The following PI4KA variants were observed in gnomAD, a reference collection of about 807,000 sequenced individuals.
PI4KA encodes PI4-kinase alpha.
A neutral mutation model predicts 271.4 loss-of-function variants in PI4KA; 122 were observed. That is an observed-to-expected ratio of 0.45 (90% CI 0.39 to 0.52). The LOEUF is 0.52. Among genes scored for constraint, PI4KA ranks in the 20% least tolerant of loss-of-function variants. The pLI, the probability that PI4KA is intolerant of heterozygous loss-of-function variation, is 0.00. For synonymous variants in PI4KA, 1,041 were observed against 1,078.8 expected (o/e 0.96, Z 0.69); for missense variants, 1,969 against 2,769.1 (o/e 0.71, Z 6.48).
At chr22:20,815,379 CAA>C (rs361826) in intron 7 of PI4KA, among the ~76,000 whole-genome samples, 49 of 83,926 alleles carry the variant, frequency 5.8e-4, no homozygotes, top group Admixed American at 6.7e-4. Context: ...GACTGCGTCT[CAA>C]AAAAAAAAAA....
At chr22:20,721,687 A>ATT (rs1339961321) in intron 42 of PI4KA, 3 of 398,852 alleles carry the variant, frequency 7.5e-6, no homozygotes, top group Non-Finnish European at 1.4e-5. Flanking sequence ...CCATGGGTTT[A>ATT]AGAAGCACAA....
chr22:20,812,835 T>C (rs531524997), intron 8 of PI4KA, among the ~76,000 whole-genome samples: 1 of 152,238 alleles, frequency 6.6e-6, no homozygotes, highest in African/African-American at 2.4e-5. Context: ...ATTACTGGCA[T>C]GAGCCACGGC....
intron 18 of PI4KA, 33 bp from the exon 19 acceptor site, chr22:20,793,276 G>GT: frequency 7.7e-7 from 1 of 1,297,328 alleles, no homozygotes; most frequent in Non-Finnish European, 1.1e-6. Context: ...TCATTAACGA[G>GT]TATGTGTTTC....
intron 19 of PI4KA, among the ~76,000 whole-genome samples, chr22:20,770,876 T>C (rs1012905409): frequency 6.6e-6 from 1 of 152,100 alleles, no homozygotes; most frequent in African/African-American, 2.4e-5. Flanking sequence ...ATTTTTAGAA[T>C]TTCATGTTAA....
rs1373020969 is a variant in PI4KA, at chr22:20,819,668, T to A, written c.762A>T (p.Lys254Asn). The A allele has an allele frequency of 6.2e-7, 1 of 1,613,980 alleles. No homozygotes were observed. The highest frequency in any genetic ancestry group is 1.7e-5 in the Admixed American group (1 of 60,000). Residue 254 changes from lysine to asparagine, a missense_variant, in exon 6 of 55, where the codon AAA (lysine) becomes AAT (asparagine). Physicochemically the swap from Lys to Asn is moderately conservative, Grantham distance 94. Around this residue, in one of 13 missense-constraint regions of PI4KA, gnomAD observed 540 missense variants for 555.5 expected, o/e 0.97. Transcript: ENST00000255882. ...TVCQEGTLKRKTSSVSSISQV... is the reference protein window; with the variant it reads ...TVCQEGTLKRNTSSVSSISQV... The stretch of plus-strand genomic sequence containing the variant: ...GAGAGATGCTGGACACACTGCTGGT[T>A]TTCCTCTTCAGGGTACCCTCCTGAC...
rs779966633 is a variant in PI4KA, at chr22:20,858,743, C to A, written c.-18G>T. The A allele has an allele frequency of 1.5e-6, 2 of 1,370,368 alleles. No homozygotes were observed. The highest frequency in any genetic ancestry group is 3.2e-5 in the South Asian group (2 of 62,356). The allele number at this position is 1,370,368 out of a possible 1,614,324, so 84.9% of individuals were successfully genotyped here. ...GCCGCCATCACCTCACGAGCCGCGG[C>A]GCTGCCCGCCGGCTCCCCGCTCCTG... On this transcript the variant is annotated 5_prime_UTR_variant, in exon 1 of 55. Coordinates refer to ENST00000255882, the MANE Select transcript of PI4KA (RefSeq NM_058004.4).
intron 42 of PI4KA, 111 bp downstream of exon 42, chr22:20,726,377 G>A (rs1050585392): frequency 2.2e-6 from 2 of 893,126 alleles, no homozygotes. Context: ...GGGCAGCCCT[G>A]CCCCTGAGGA....
chr22:20,809,521 T>C (rs559345807), intron 9 of PI4KA, among the ~76,000 whole-genome samples: 1 of 152,026 alleles, frequency 6.6e-6, no homozygotes, highest in Non-Finnish European at 1.5e-5. Flanking sequence ...GAAACTGCCC[T>C]GGTTCAATGA....
intron 23 of PI4KA, among the ~76,000 whole-genome samples, chr22:20,756,531 T>C (rs932730657): frequency 4.0e-5 from 6 of 151,566 alleles, no homozygotes; most frequent in Non-Finnish European, 7.4e-5. Context: ...AGTATAATAG[T>C]TTTTTCATAT....
chr22:20,797,746 A>T (rs1305066240), intron 17 of PI4KA, among the ~76,000 whole-genome samples: 4 of 152,078 alleles, frequency 2.6e-5, no homozygotes, highest in African/African-American at 4.8e-5. Flanking sequence ...GCTACATGGC[A>T]TGGCTCCACA....
chr22:20,816,140 A>T (rs1320397753), intron 7 of PI4KA, among the ~76,000 whole-genome samples: 3 of 152,178 alleles, frequency 2.0e-5, no homozygotes, highest in South Asian at 4.1e-4. Flanking sequence ...GGGTTTTGCC[A>T]TGTTGGCCAG....
intron 32 of PI4KA, among the ~76,000 whole-genome samples, chr22:20,737,955 A>AC (rs999101615): frequency 3.9e-5 from 6 of 152,158 alleles, no homozygotes; most frequent in African/African-American, 1.2e-4. Context: ...CTTAAGGCCC[A>AC]CCGAGGTCTG....
At chr22:20,843,819 G>A (rs1456639532) in intron 1 of PI4KA, among the ~76,000 whole-genome samples, 1 of 151,938 alleles carries the variant, frequency 6.6e-6, no homozygotes, top group Non-Finnish European at 1.5e-5. Context: ...TCCACTTCTG[G>A]TTCATATACC....
At chr22:20,750,045 G>C in intron 27 of PI4KA, 51 bp from the exon 28 acceptor site, 9 of 1,197,038 alleles carry the variant, frequency 7.5e-6, no homozygotes, top group South Asian at 2.4e-5. Flanking sequence ...GTTCATCTGA[G>C]CTGCCGTAGT....
chr22:20,777,272 A>G (rs1933373385), intron 19 of PI4KA, among the ~76,000 whole-genome samples: 3 of 150,168 alleles, frequency 2.0e-5, no homozygotes, highest in African/African-American at 7.4e-5. Flanking sequence ...GCTGGAGTGC[A>G]ATGGTGCGAT....
chr22:20,800,279 C>T (rs141894310), intron 14 of PI4KA, among the ~76,000 whole-genome samples: 1 of 152,180 alleles, frequency 6.6e-6, no homozygotes, highest in African/African-American at 2.4e-5. Context: ...GTCTGACAGA[C>T]AAGCTGCCAT....
chr22:20,759,638 TCA>T (rs1453083915), intron 23 of PI4KA, among the ~76,000 whole-genome samples: 1 of 152,086 alleles, frequency 6.6e-6, no homozygotes, highest in African/African-American at 2.4e-5. Flanking sequence ...TGAACTCCAC[TCA>T]CTGCAAGCTC....
intron 18 of PI4KA, among the ~76,000 whole-genome samples, chr22:20,795,255 C>T (rs1024022061): frequency 6.6e-6 from 1 of 151,300 alleles, no homozygotes; most frequent in Non-Finnish European, 1.5e-5. Flanking sequence ...AACACCAACT[C>T]ATATTCCTTT....
At chr22:20,783,668 C>T (rs143454778) in intron 19 of PI4KA, among the ~76,000 whole-genome samples, 57 of 152,266 alleles carry the variant, frequency 3.7e-4, no homozygotes, top group Admixed American at 1.5e-3. Flanking sequence ...CTCAAAGTTA[C>T]TCATTTGACA....
Sources: gnomAD v4.1 joint callset for allele counts (sites outside exome capture counted in the v4.1 genomes callset) on GRCh38, gnomAD v4.1.1 for gene constraint, gnomAD v4.1.1 regional missense constraint, MANE v1.5 for transcripts, NCBI Gene and HGNC (gene_info 2026-07-23, HGNC 2026-07-21) for gene names.